SSH1: variants seen among roughly 807,000 people sequenced by gnomAD.
SSH1 encodes the protein protein phosphatase Slingshot homolog 1.
Under a neutral mutation model 79.7 loss-of-function variants are expected in SSH1, and 43 were observed. That is an observed-to-expected ratio of 0.54 (90% CI 0.42 to 0.70). SSH1 has a LOEUF of 0.70. Ranked by LOEUF, SSH1 falls within the 30% of genes least tolerant of loss-of-function variation. The pLI is 0.00. For missense variants in SSH1, 1,206 were observed against 1,358.8 expected (o/e 0.89, Z 1.77); for synonymous variants, 599 against 538.3 (o/e 1.11, Z -1.56).
chr12:108,810,148 G>T (rs1055048512), intron 6 of SSH1, among the ~76,000 whole-genome samples: 1 of 151,078 alleles, frequency 6.6e-6, no homozygotes, highest in African/African-American at 2.4e-5. Context: ...AGGATTGCAC[G>T]GAAAATAATC....
chr12:108,802,050 G>A (rs1043255992), intron 11 of SSH1, among the ~76,000 whole-genome samples: 4 of 152,158 alleles, frequency 2.6e-5, no homozygotes, highest in Non-Finnish European at 4.4e-5. Context: ...ATATCCAGGC[G>A]GTCCTACAGC....
At chr12:108,792,139 G>A (rs1330110075) in intron 14 of SSH1, 147 bp downstream of exon 14, 8 of 1,504,102 alleles carry the variant, frequency 5.3e-6, no homozygotes, top group Non-Finnish European at 7.1e-6. Context: ...GGAGATGGGA[G>A]CTGGGGGCCC....
intron 2 of SSH1, among the ~76,000 whole-genome samples, chr12:108,829,855 A>T (rs2038430265): frequency 6.6e-6 from 1 of 152,192 alleles, no homozygotes; most frequent in Non-Finnish European, 1.5e-5. Context: ...TAATCACAGC[A>T]CTTTGGGAGG....
chr12:108,840,443 G>T (rs758659468), intron 2 of SSH1, among the ~76,000 whole-genome samples: 3 of 151,910 alleles, frequency 2.0e-5, no homozygotes, highest in African/African-American at 7.3e-5. Context: ...TGAGGCAGGA[G>T]AATCACTTGA....
intron 5 of SSH1, among the ~76,000 whole-genome samples, chr12:108,813,026 C>CT (rs1230874035): frequency 6.6e-6 from 1 of 151,928 alleles, no homozygotes; most frequent in African/African-American, 2.4e-5. Flanking sequence ...CTATGCCCAG[C>CT]TTTTTAAAAA....
rs1296156115 is a variant in SSH1, at chr12:108,787,567, T to A, written c.*421A>T. The A allele has an allele frequency of 9.6e-6, 2 of 207,492 alleles. No homozygotes were observed. Among genetic ancestry groups the A allele is most frequent in the Admixed American group, 1.1e-4 (2 of 18,870 alleles). 12.9% of individuals were successfully genotyped at this position (207,492 alleles called of 1,614,324 possible). A position where few individuals can be genotyped will look rare whatever the true frequency, so the allele number is the denominator to read the frequency against. On this transcript the variant is annotated 3_prime_UTR_variant, in exon 15 of 15. Transcript: ENST00000326495. ...CAGCGAGAACAGAGGTAGGACTTAATGTTGCCATCCGAGAGTTTTCTGCGA... is the reference window on the plus strand; with the variant it reads ...CAGCGAGAACAGAGGTAGGACTTAAAGTTGCCATCCGAGAGTTTTCTGCGA...
At chr12:108,849,475 TG>T (rs1267850733) in intron 2 of SSH1, among the ~76,000 whole-genome samples, 2 of 152,122 alleles carry the variant, frequency 1.3e-5, no homozygotes, top group Non-Finnish European at 2.9e-5. Flanking sequence ...GAAGATAGCT[TG>T]GCCCCAGGAG....
chr12:108,815,315 A>T lies in SSH1; in HGVS notation c.401+1723T>A, dbSNP rs117495549. Among the ~76,000 whole-genome samples, 20 of 152,262 alleles carry T rather than the reference A, an allele frequency of 1.3e-4. No individual in the cohort carries two copies. The East Asian group carries it at 3.9e-3, about 29-fold the overall frequency. ...CAGGGGGATGAAGGGGTTAAATGAGATGTTCACAGAGGCATTTTGTAGGTG... is the reference window on the plus strand; with the variant it reads ...CAGGGGGATGAAGGGGTTAAATGAGTTGTTCACAGAGGCATTTTGTAGGTG... On this transcript the variant is annotated intron_variant, in intron 5 of 14. Coordinates refer to ENST00000326495, the MANE Select transcript of SSH1 (RefSeq NM_018984.4).
At position 108,787,756 on chromosome 12, in the gene SSH1, CTGGCCGGCGGCTCCT is replaced by C; in HGVS notation, c.*217_*231del. 1 of 585,612 alleles carries C rather than the reference CTGGCCGGCGGCTCCT, an allele frequency of 1.7e-6. No homozygotes were observed. The highest frequency in any genetic ancestry group is 3.0e-6 in the Non-Finnish European group (1 of 332,960). 36.3% of individuals were successfully genotyped at this position (585,612 alleles called of 1,614,324 possible). A position where few individuals can be genotyped will look rare whatever the true frequency, so the allele number is the denominator to read the frequency against. ...CGGTGGGAGCGGAGTTTTGTGTCTCCTGGCCGGCGGCTCCTGGTTCTCCCAGGCCACACGACTGAC... is the reference window on the plus strand; with the variant it reads ...CGGTGGGAGCGGAGTTTTGTGTCTCCGGTTCTCCCAGGCCACACGACTGAC... On this transcript the variant is annotated 3_prime_UTR_variant, in exon 15 of 15. Coordinates refer to ENST00000326495, the MANE Select transcript of SSH1 (RefSeq NM_018984.4).
intron 2 of SSH1, among the ~76,000 whole-genome samples, chr12:108,850,906 C>T (rs548211656): frequency 5.3e-5 from 8 of 151,766 alleles, no homozygotes; most frequent in Admixed American, 1.3e-4. Context: ...CCACAGGAGC[C>T]GCTGTGAGGT....
chr12:108,781,149 T>C lies in SSH1; in HGVS notation c.*6839A>G, dbSNP rs2080105660. 6.6e-6 allele frequency: 1 copy of C among 152,162 alleles called. No homozygotes were observed. The allele number at this position is 152,162 out of a possible 1,614,324, so 9.4% of individuals were successfully genotyped here. A position where few individuals can be genotyped will look rare whatever the true frequency, so the allele number is the denominator to read the frequency against. On this transcript the variant is annotated 3_prime_UTR_variant, in exon 15 of 15. Coordinates refer to ENST00000326495, the MANE Select transcript of SSH1 (RefSeq NM_018984.4). ...TTTACCTAGAAGGGGCTGGGCACAG[T>C]GGCTCATGCCTATAATCTCAACACT...
At chr12:108,801,232 T>C (rs1327922762) in intron 11 of SSH1, among the ~76,000 whole-genome samples, 1 of 152,180 alleles carries the variant, frequency 6.6e-6, no homozygotes, top group African/African-American at 2.4e-5. Context: ...TTTATAACTA[T>C]TCATGACTAT....
chr12:108,790,514 C>G (rs2036458661), intron 14 of SSH1, among the ~76,000 whole-genome samples: 1 of 152,166 alleles, frequency 6.6e-6, no homozygotes, highest in Admixed American at 6.5e-5. Context: ...AAACTCCTGA[C>G]CTCAGATGAT....
intron 2 of SSH1, chr12:108,827,477 C>G (rs906991888): frequency 1.5e-5 from 20 of 1,299,840 alleles, no homozygotes; most frequent in Non-Finnish European, 2.0e-5. Flanking sequence ...GAGCCAACTC[C>G]TCCTCAGAGT....
intron 4 of SSH1, among the ~76,000 whole-genome samples, chr12:108,817,783 C>G (rs2037958600): frequency 6.6e-6 from 1 of 152,248 alleles, no homozygotes; most frequent in African/African-American, 2.4e-5. Flanking sequence ...TCCCGCCCCT[C>G]TGGGGAACTG....
intron 10 of SSH1, among the ~76,000 whole-genome samples, chr12:108,803,655 C>T (rs977896426): frequency 2.6e-5 from 4 of 152,126 alleles, no homozygotes; most frequent in South Asian, 2.1e-4. Flanking sequence ...AAACATAACG[C>T]GAGTGCCGCT....
chr12:108,796,735 A>G (rs1565975548), intron 13 of SSH1, among the ~76,000 whole-genome samples: 1 of 151,864 alleles, frequency 6.6e-6, no homozygotes. Flanking sequence ...GCTAGATGAT[A>G]TAATTTTATT....
At chr12:108,791,625 A>G (rs1208951926) in intron 14 of SSH1, among the ~76,000 whole-genome samples, 3 of 152,174 alleles carry the variant, frequency 2.0e-5, no homozygotes, top group East Asian at 3.8e-4. Context: ...CGGGTGTGGT[A>G]GCATGCGCCT....
At chr12:108,809,600 T>C (rs958705566) in intron 7 of SSH1, 93 bp downstream of exon 7, 10 of 1,069,646 alleles carry the variant, frequency 9.3e-6, no homozygotes, top group African/African-American at 9.3e-5. Context: ...TGCACATACG[T>C]AACGAGCTTC....
Sources: gnomAD v4.1 joint callset for allele counts (sites outside exome capture counted in the v4.1 genomes callset) on GRCh38, gnomAD v4.1.1 for gene constraint, MANE v1.5 for transcripts, NCBI Gene and HGNC (gene_info 2026-07-23, HGNC 2026-07-21) for gene names.